The following CCDC178 variants were observed in gnomAD, a reference collection of about 807,000 sequenced individuals.
CCDC178 encodes the protein coiled-coil domain containing 178, also known as coiled-coil domain-containing protein 178.
In CCDC178, 126 loss-of-function variants were observed where a neutral mutation model predicts 117.4. That is an observed-to-expected ratio of 1.07 (90% CI 0.93 to 1.24). The LOEUF is 1.24. CCDC178 is among the 50% of genes most tolerant of loss of function. CCDC178 has a pLI of 0.00. For missense variants in CCDC178, 1,030 were observed against 986.9 expected (o/e 1.04, Z -0.59); for synonymous variants, 283 against 313.4 (o/e 0.90, Z 1.02).
At chr18:33,268,012 T>C (rs1003739856) in intron 12 of CCDC178, among the ~76,000 whole-genome samples, 9 of 151,682 alleles carry the variant, frequency 5.9e-5, no homozygotes, top group Non-Finnish European at 7.4e-5. Context: ...AAAACTCTTA[T>C]TAAAAATCCT....
intron 20 of CCDC178, among the ~76,000 whole-genome samples, chr18:33,210,232 G>T (rs531260256): frequency 1.3e-5 from 2 of 152,094 alleles, no homozygotes; most frequent in East Asian, 3.9e-4. Flanking sequence ...AAATTATTCT[G>T]GCAGGAGATA....
chr18:33,123,817 A>AGGAAAT (rs2057968362), intron 20 of CCDC178, among the ~76,000 whole-genome samples: 1 of 152,194 alleles, frequency 6.6e-6, no homozygotes, highest in African/African-American at 2.4e-5. Context: ...AAAAGATTGA[A>AGGAAAT]GGAAATGGAA....
At chr18:33,125,505 G>C (rs892849421) in intron 20 of CCDC178, among the ~76,000 whole-genome samples, 14 of 152,072 alleles carry the variant, frequency 9.2e-5, no homozygotes, top group Non-Finnish European at 1.0e-4. Context: ...AAAATTAAGT[G>C]GTGCAAAATC....
chr18:33,393,185 A>G (rs2063584844), intron 4 of CCDC178, among the ~76,000 whole-genome samples: 1 of 152,074 alleles, frequency 6.6e-6, no homozygotes, highest in African/African-American at 2.4e-5. Context: ...TACCTATGAG[A>G]ATATTTCATA....
intron 4 of CCDC178, among the ~76,000 whole-genome samples, chr18:33,394,929 C>A (rs2063610520): frequency 1.0e-5 from 1 of 95,336 alleles, no homozygotes; most frequent in Admixed American, 1.3e-4. Context: ...CTTTAAAAGC[C>A]TGTATATGTA....
intron 12 of CCDC178, among the ~76,000 whole-genome samples, chr18:33,291,501 G>A (rs891229470): frequency 1.3e-5 from 2 of 151,906 alleles, no homozygotes; most frequent in East Asian, 3.9e-4. Context: ...CCATAATGAG[G>A]TACAATTAAA....
intron 15 of CCDC178, among the ~76,000 whole-genome samples, chr18:33,232,914 T>C (rs1193042003): frequency 1.3e-5 from 2 of 152,152 alleles, no homozygotes; most frequent in Non-Finnish European, 2.9e-5. Context: ...ATTTATAATT[T>C]ATCTTAATAC....
Position 33,161,997 on chromosome 18 carries a change from G to T in CCDC178, c.2238+49899C>A, listed in dbSNP as rs2144385448. ...TAGATCCCTGGGGAATCGCCACACT[G>T]ACTTCCACAATGGTTGAACTAGTTT... On this transcript the variant is annotated intron_variant, in intron 20 of 22. Transcript: ENST00000383096. Among the ~76,000 whole-genome samples, 2 of 152,292 alleles carry T rather than the reference G, an allele frequency of 1.3e-5. 1 individual carries two copies. Among genetic ancestry groups the T allele is most frequent in the South Asian group, 4.1e-4 (2 of 4,822 alleles).
chr18:33,186,889 GAGC>G (rs1187341372), intron 20 of CCDC178, among the ~76,000 whole-genome samples: 2 of 152,074 alleles, frequency 1.3e-5, no homozygotes, highest in Admixed American at 1.3e-4. Context: ...CAGTCAGAGA[GAGC>G]AGTTGAAAGA....
intron 20 of CCDC178, among the ~76,000 whole-genome samples, chr18:33,109,024 A>AGTTGAG (rs1317722154): frequency 3.0e-4 from 45 of 151,748 alleles, no homozygotes; most frequent in African/African-American, 1.1e-3. Context: ...GTGTAATGGC[A>AGTTGAG]CAGTCATATG....
At position 33,165,001 on chromosome 18, in the gene CCDC178, A is replaced by C. The variant is rs572022746; in HGVS notation, c.2238+46895T>G. On this transcript the variant is annotated intron_variant, in intron 20 of 22. Transcript: ENST00000383096. The stretch of plus-strand genomic sequence containing the variant: ...AGGTCTTCCAAATACTGATAAATGC[A>C]TTATGTCATTTAAAAATCCCATTTG... Among the ~76,000 whole-genome samples the C allele has an allele frequency of 4.2e-4, 64 of 152,314 alleles. No homozygotes were observed. In the South Asian group the frequency reaches 4.8e-3, roughly 11 times the overall value.
At chr18:33,252,111 T>C (rs1044538070) in intron 14 of CCDC178, among the ~76,000 whole-genome samples, 3 of 151,674 alleles carry the variant, frequency 2.0e-5, no homozygotes, top group African/African-American at 7.3e-5. Context: ...GTATTGGTTA[T>C]CTGAAAGCGG....
intron 20 of CCDC178, among the ~76,000 whole-genome samples, chr18:33,105,000 T>C (rs2057685515): frequency 6.6e-6 from 1 of 151,682 alleles, no homozygotes. Flanking sequence ...TCTTTTTATA[T>C]TTGTAACTTA....
chr18:33,406,142 C>CA (rs1236059627), intron 3 of CCDC178, among the ~76,000 whole-genome samples: 4 of 151,614 alleles, frequency 2.6e-5, no homozygotes, highest in Non-Finnish European at 4.4e-5. Flanking sequence ...AAATAATGTA[C>CA]AAAATACATA....
intron 20 of CCDC178, among the ~76,000 whole-genome samples, chr18:33,103,291 AT>A (rs1190649020): frequency 1.3e-5 from 2 of 151,674 alleles, no homozygotes; most frequent in African/African-American, 4.8e-5. Flanking sequence ...TGAGAACAGT[AT>A]GGGGGAAACT....
intron 15 of CCDC178, among the ~76,000 whole-genome samples, chr18:33,230,041 C>T (rs2059352140): frequency 2.0e-5 from 3 of 152,074 alleles, no homozygotes; most frequent in Admixed American, 6.6e-5. Context: ...ATACTGATTG[C>T]CTACATTGGG....
rs2054228976 is a variant in CCDC178, at chr18:32,941,067, C to T, written c.2524-2976G>A. Among the ~76,000 whole-genome samples the T allele has an allele frequency of 4.0e-5, 6 of 151,626 alleles. No homozygotes were observed. The South Asian group carries it at 1.2e-3, about 32-fold the overall frequency. On this transcript the variant is annotated intron_variant, in intron 22 of 22. Transcript: ENST00000383096. ...TTTAGCAGACCTAATAGAACTCCTG[C>T]AGTTTAATGATTTTTTTTTTTTTTA... is the stretch of plus-strand genomic sequence containing the variant.
chr18:32,990,592 T>C (rs1241588869), intron 21 of CCDC178, among the ~76,000 whole-genome samples: 1 of 152,094 alleles, frequency 6.6e-6, no homozygotes, highest in Non-Finnish European at 1.5e-5. Context: ...TCCATATGTA[T>C]TAAAAACTTA....
intron 2 of CCDC178, among the ~76,000 whole-genome samples, chr18:33,423,933 T>C (rs556643683): frequency 5.9e-5 from 9 of 152,336 alleles, no homozygotes; most frequent in African/African-American, 2.2e-4. Flanking sequence ...TTATAGATTT[T>C]ATCTTCAACA....
Sources: allele counts gnomAD v4.1 joint callset (sites outside exome capture counted in the v4.1 genomes callset), GRCh38; gene constraint gnomAD v4.1.1; transcripts MANE v1.5; gene names NCBI Gene and HGNC (gene_info 2026-07-23, HGNC 2026-07-21).